The following DSCAM variants were observed in gnomAD, a reference collection of about 807,000 sequenced individuals.
The protein encoded by DSCAM is DS cell adhesion molecule, also known as cell adhesion molecule DSCAM.
Under a neutral mutation model 217.7 loss-of-function variants are expected in DSCAM, and 47 were observed. The observed-to-expected ratio is 0.22, with a 90% CI of 0.17 to 0.28. The LOEUF (loss-of-function observed/expected upper bound fraction) is 0.28. DSCAM is among the 10% of genes least tolerant of loss of function. DSCAM has a pLI of 1.00. For synonymous variants in DSCAM, 1,056 were observed against 1,015.3 expected, an observed-to-expected ratio of 1.04 and a Z score of -0.76; for missense variants, 2,080 against 2,618.3, an observed-to-expected ratio of 0.79 and a Z score of 4.49.
At chr21:40,127,493 G>T (rs2146676878) in intron 19 of DSCAM, among the ~76,000 whole-genome samples, 1 of 152,284 alleles carries the variant, frequency 6.6e-6, no homozygotes, top group South Asian at 2.1e-4. Flanking sequence ...GAGGAGTTCT[G>T]CATTTAAGTT....
intron 3 of DSCAM, among the ~76,000 whole-genome samples, chr21:40,593,263 T>C (rs1043835029): frequency 6.6e-6 from 1 of 152,262 alleles, no homozygotes; most frequent in Admixed American, 6.5e-5. Flanking sequence ...ACTTATGTCA[T>C]GGTTTTGTAG....
At chr21:40,275,984 G>A in intron 11 of DSCAM, 113 bp downstream of exon 11, 3 of 1,120,580 alleles carry the variant, frequency 2.7e-6, no homozygotes, top group Non-Finnish European at 3.6e-6. Context: ...CACACCAACG[G>A]GTCTTCTTTT....
intron 3 of DSCAM, among the ~76,000 whole-genome samples, chr21:40,482,202 T>C (rs2075989109): frequency 6.6e-6 from 1 of 152,214 alleles, no homozygotes; most frequent in African/African-American, 2.4e-5. Flanking sequence ...CATAATTGCA[T>C]TTCTTCCCTA....
chr21:40,353,514 C>A lies in DSCAM; in HGVS notation c.885G>T (p.Val295=). ...CCTTAGCAGTTCCGTATCTGTTGGACACTTCACAAACATAGCTGCCTGAGT... is the reference window on the plus strand; with the variant it reads ...CCTTAGCAGTTCCGTATCTGTTGGAAACTTCACAAACATAGCTGCCTGAGT... ...PSDSGSYVCE[V]SNRYGTAKVI... is the part of the protein sequence containing the mutation. The change falls in exon 5 of 33, where the codon GTG becomes GTT. Residue 295 remains valine, a synonymous_variant. Coordinates refer to ENST00000400454, the MANE Select transcript of DSCAM (RefSeq NM_001389.5). 6.2e-7 allele frequency: 1 copy of A among 1,612,228 alleles called. No homozygotes were observed. Among genetic ancestry groups the A allele is most frequent in the Non-Finnish European group, 8.5e-7 (1 of 1,179,336 alleles).
At chr21:40,629,101 G>A (rs991137145) in intron 3 of DSCAM, among the ~76,000 whole-genome samples, 4 of 128,344 alleles carry the variant, frequency 3.1e-5, no homozygotes, top group Non-Finnish European at 6.9e-5. Context: ...GTGTGTGTGT[G>A]TGTGTGTGTG....
chr21:40,022,884 TTTA>T (rs2088300645), intron 32 of DSCAM, among the ~76,000 whole-genome samples: 1 of 152,164 alleles, frequency 6.6e-6, no homozygotes, highest in Admixed American at 6.5e-5. Flanking sequence ...CTTTTTTTCT[TTTA>T]TTATTTTAAG....
At chr21:40,369,307 C>T in intron 3 of DSCAM, 62 bp from the exon 4 acceptor site, 1 of 1,519,050 alleles carries the variant, frequency 6.6e-7, no homozygotes. Context: ...ACCACACAGA[C>T]AAAGTCCTTA....
Position 40,012,752 on chromosome 21 carries a change from C to G in DSCAM, c.*282G>C, listed in dbSNP as rs984413191. 4.2e-5 allele frequency: 9 copies of G among 214,548 alleles called. No individual in the cohort carries two copies. The highest frequency in any genetic ancestry group is 6.4e-5 in the Non-Finnish European group (7 of 110,226). 13.3% of individuals were successfully genotyped at this position (214,548 alleles called of 1,614,324 possible). A position where few individuals can be genotyped will look rare whatever the true frequency, so the allele number is the denominator to read the frequency against. ...AGGTTTAATTAATCCCCCCCATGCA[C>G]TTTTGTAGAAAATCAGTAAAAATGC... is the stretch of plus-strand genomic sequence containing the variant. On this transcript the variant is annotated 3_prime_UTR_variant, in exon 33 of 33. Transcript: ENST00000400454.
At chr21:40,521,538 GT>G (rs1390129318) in intron 3 of DSCAM, among the ~76,000 whole-genome samples, 1 of 151,196 alleles carries the variant, frequency 6.6e-6, no homozygotes, top group Non-Finnish European at 1.5e-5. Context: ...TCATATACCT[GT>G]TGTCCATTTG....
chr21:40,350,444 A>G (rs1369833016), intron 5 of DSCAM, among the ~76,000 whole-genome samples: 1 of 152,112 alleles, frequency 6.6e-6, no homozygotes, highest in Non-Finnish European at 1.5e-5. Context: ...ATTTACAAGG[A>G]AAAAAACAAA....
intron 11 of DSCAM, among the ~76,000 whole-genome samples, chr21:40,259,534 C>T (rs1045766597): frequency 1.6e-4 from 25 of 152,110 alleles, no homozygotes; most frequent in South Asian, 2.1e-4. Flanking sequence ...TGTAAAGAGG[C>T]GATGCATCTG....
chr21:40,299,088 C>T (rs2837559), intron 9 of DSCAM, among the ~76,000 whole-genome samples: 25,696 of 151,988 alleles, frequency 0.17, 3,874 homozygotes, highest in African/African-American at 0.39. Flanking sequence ...CTTCAGATAC[C>T]CCAGTGATTT....
chr21:40,459,284 G>A (rs919610609), intron 3 of DSCAM, among the ~76,000 whole-genome samples: 1 of 152,114 alleles, frequency 6.6e-6, no homozygotes, highest in African/African-American at 2.4e-5. Flanking sequence ...ATCAGATAGT[G>A]ATGAAATTAA....
intron 3 of DSCAM, among the ~76,000 whole-genome samples, chr21:40,503,571 G>A (rs947444959): frequency 6.6e-6 from 1 of 152,210 alleles, no homozygotes; most frequent in Admixed American, 6.5e-5. Flanking sequence ...GCTGTCAGAT[G>A]CCAACTTCAC....
intron 3 of DSCAM, among the ~76,000 whole-genome samples, chr21:40,415,303 G>A (rs2075360378): frequency 6.6e-6 from 1 of 152,204 alleles, no homozygotes; most frequent in Non-Finnish European, 1.5e-5. Context: ...GTGCAACATG[G>A]CGGAATATAA....
intron 3 of DSCAM, among the ~76,000 whole-genome samples, chr21:40,624,275 T>C (rs760646051): frequency 1.3e-5 from 2 of 152,194 alleles, no homozygotes; most frequent in African/African-American, 2.4e-5. Flanking sequence ...TGACTCTCAA[T>C]TACCTTCTGG....
chr21:40,167,331 C>G (rs372128044), intron 15 of DSCAM, 43 bp from the exon 16 acceptor site: 1 of 1,584,714 alleles, frequency 6.3e-7, no homozygotes, highest in East Asian at 2.2e-5. Flanking sequence ...AGACGCTTTC[C>G]GGAGCAGATC....
At chr21:40,563,980 C>T in intron 3 of DSCAM, among the ~76,000 whole-genome samples, 1 of 152,128 alleles carries the variant, frequency 6.6e-6, no homozygotes, top group Non-Finnish European at 1.5e-5. Flanking sequence ...GAGAGCAGAG[C>T]TGTGAGCAAG....
chr21:40,565,945 C>A (rs181930569), intron 3 of DSCAM, among the ~76,000 whole-genome samples: 17 of 152,282 alleles, frequency 1.1e-4, no homozygotes, highest in African/African-American at 4.1e-4. Context: ...TTTATATCAA[C>A]TTTACACCCC....
Sources: allele counts gnomAD v4.1 joint callset (sites outside exome capture counted in the v4.1 genomes callset), GRCh38; gene constraint gnomAD v4.1.1; transcripts MANE v1.5; gene names NCBI Gene and HGNC (gene_info 2026-07-23, HGNC 2026-07-21).